Variants in SLC15A1 observed in about 807,000 individuals in gnomAD.
SLC15A1 encodes the protein solute carrier family 15 member 1.
SLC15A1 carries 83 observed loss-of-function variants against 92.9 expected under a neutral mutation model. The ratio of observed to expected loss-of-function variants is 0.89; its 90% CI spans 0.75 to 1.07. The LOEUF (loss-of-function observed/expected upper bound fraction) is 1.07, where lower values mean the gene tolerates loss of function less well. Ranked by LOEUF, SLC15A1 falls within the 50% of genes least tolerant of loss-of-function variation. SLC15A1 has a pLI of 0.00. For missense variants in SLC15A1, 857 were observed against 880.1 expected, an observed-to-expected ratio of 0.97 and a Z score of 0.33; for synonymous variants, 322 against 318.2, an observed-to-expected ratio of 1.01 and a Z score of -0.13.
At position 98,703,539 on chromosome 13, in the gene SLC15A1, C is replaced by CTTTTTTTTTTT. The variant is rs771426478; in HGVS notation, c.1416+739_1416+749dup. On this transcript the variant is annotated intron_variant, in intron 17 of 22. Transcript: ENST00000376503. ...TATACCTTTGTAGCTGCTGCTGCTG[C>CTTTTTTTTTTT]TTTTTTTTTTTTTTTTTTTTTTTTT... Among the ~76,000 whole-genome samples, 6 of 85,544 alleles carry CTTTTTTTTTTT rather than the reference C, an allele frequency of 7.0e-5. 1 individual carries two copies. The highest frequency in any genetic ancestry group is 2.0e-4 in the African/African-American group (3 of 15,198). 56.1% of individuals were successfully genotyped at this position (85,544 alleles called of 152,430 possible). A position where few individuals can be genotyped will look rare whatever the true frequency, so the allele number is the denominator to read the frequency against.
chr13:98,726,198 T>C lies in SLC15A1; in HGVS notation c.170A>G (p.His57Arg), dbSNP rs147741339. The change falls in exon 4 of 23, where the codon CAT becomes CGT. Residue 57 changes from histidine to arginine, a missense_variant. By Grantham distance (29) the His-to-Arg change is conservative (BLOSUM62 0). Transcript: ENST00000376503. ...WDDNLSTAIY[H>R]TFVALCYLTP... ...CAGGTAGCACAGAGCCACAAACGTA[T>C]GGTAGATGGCGGTGGACAGGTTATC... 6.8e-6 allele frequency: 11 copies of C among 1,613,878 alleles called. No individual in the cohort carries two copies. Among genetic ancestry groups the C allele is most frequent in the Non-Finnish European group, 9.3e-6 (11 of 1,179,952 alleles).
chr13:98,732,702 G>A (rs1315574786), intron 1 of SLC15A1, among the ~76,000 whole-genome samples: 1 of 152,218 alleles, frequency 6.6e-6, no homozygotes, highest in Non-Finnish European at 1.5e-5. Flanking sequence ...AAGTTGGAAG[G>A]AATGAGGCAT....
intron 11 of SLC15A1, among the ~76,000 whole-genome samples, chr13:98,710,581 C>A (rs183532045): frequency 6.6e-6 from 1 of 151,894 alleles, no homozygotes; most frequent in South Asian, 2.1e-4. Flanking sequence ...TTTGGGAGGC[C>A]GAGGCGCGTG....
At chr13:98,701,256 A>G (rs535583502) in intron 18 of SLC15A1, among the ~76,000 whole-genome samples, 2 of 152,314 alleles carry the variant, frequency 1.3e-5, no homozygotes, top group East Asian at 3.9e-4. Flanking sequence ...ACATTTTGTT[A>G]GATTTATATC....
intron 1 of SLC15A1, among the ~76,000 whole-genome samples, chr13:98,730,690 G>T (rs1468695183): frequency 6.6e-6 from 1 of 152,260 alleles, no homozygotes; most frequent in Non-Finnish European, 1.5e-5. Flanking sequence ...ACTGCCTCAG[G>T]GTCCTCAGCG....
chr13:98,721,514 G>C lies in SLC15A1; in HGVS notation c.537C>G (p.Ile179Met). Residue 179 changes from isoleucine to methionine, a missense_variant, in exon 7 of 23, where the codon ATC becomes ATG. Coordinates refer to ENST00000376503, the MANE Select transcript of SLC15A1 (RefSeq NM_005073.4). ...TCTTACCTCTGAGCATGGGTGTGAT[G>C]ATTGTGGAAAGCAAACTTCCAGCAT... is the stretch of plus-strand genomic sequence containing the variant. ...AINAGSLLSTIITPMLRVQQC... is the reference protein window; with the variant it reads ...AINAGSLLSTMITPMLRVQQC... 1 of 1,613,306 alleles carries C rather than the reference G, an allele frequency of 6.2e-7. No homozygotes were observed. Among genetic ancestry groups the C allele is most frequent in the Non-Finnish European group, 8.5e-7 (1 of 1,179,432 alleles).
In SLC15A1 at chr13:98,704,293, T is replaced by G. The variant is rs2088093770; in HGVS notation, c.1412A>C (p.Gln471Pro). Residue 471 changes from glutamine (Q) to proline (P), a missense_variant, in exon 17 of 23, where the codon CAG becomes CCG. By Grantham distance (76) the Gln-to-Pro change is moderately conservative. Transcript: ENST00000376503. ...TLLVWAPNHY[Q>P]VVKDGLNQKP... ...TGTAGGTCTTCACACACTTACCACCTGGTAGTGATTGGGGGCCCACACTAG... is the reference window on the plus strand; with the variant it reads ...TGTAGGTCTTCACACACTTACCACCGGGTAGTGATTGGGGGCCCACACTAG... 1 of 1,606,486 alleles carries G rather than the reference T, an allele frequency of 6.2e-7. No homozygotes were observed. Among genetic ancestry groups the G allele is most frequent in the Non-Finnish European group, 8.5e-7 (1 of 1,177,070 alleles).
At chr13:98,726,333 T>G in intron 3 of SLC15A1, 35 bp downstream of exon 3, 1 of 1,614,072 alleles carries the variant, frequency 6.2e-7, no homozygotes, top group Non-Finnish European at 8.5e-7. Context: ...ACTCCCGCTC[T>G]TCCCTGAAGG....
intron 1 of SLC15A1, among the ~76,000 whole-genome samples, chr13:98,737,914 A>G (rs528147219): frequency 7.2e-5 from 11 of 152,332 alleles, no homozygotes; most frequent in Middle Eastern, 3.4e-3. Flanking sequence ...AAATAGTGAC[A>G]TGGACTGTGA....
intron 4 of SLC15A1, among the ~76,000 whole-genome samples, chr13:98,724,749 AG>A (rs2088285923): frequency 6.6e-6 from 1 of 152,196 alleles, no homozygotes; most frequent in Admixed American, 6.5e-5. Context: ...CTGGGATTAC[AG>A]GTGTGAGCCA....
intron 18 of SLC15A1, among the ~76,000 whole-genome samples, chr13:98,698,484 G>C (rs1388915516): frequency 1.3e-5 from 2 of 152,148 alleles, no homozygotes; most frequent in Admixed American, 6.5e-5. Context: ...TGTTGTCCAG[G>C]CTGGAGTGCA....
chr13:98,749,240 C>T (rs1417110294), intron 1 of SLC15A1, among the ~76,000 whole-genome samples: 2 of 152,174 alleles, frequency 1.3e-5, no homozygotes, highest in Non-Finnish European at 1.5e-5. Context: ...CACAGCCCAT[C>T]CATCATTTTA....
rs565082936 is a variant in SLC15A1 at position 98,735,995 on chromosome 13, A to C, written c.5-9136T>G. ...TCACAGAATTGGAAAAAACTACTTT[A>C]AAGTTCATATGAAACCAAAAAAGAG... On this transcript the variant is annotated intron_variant, in intron 1 of 22. Transcript: ENST00000376503. 3.2e-4 allele frequency among the ~76,000 whole-genome samples: 49 copies of C among 152,354 alleles called. 1 individual carries two copies. In the South Asian group the frequency reaches 0.01, roughly 32 times the overall value.
chr13:98,704,399 T>A lies in SLC15A1; in HGVS notation c.1306A>T (p.Thr436Ser), dbSNP rs764109803. 3.1e-6 allele frequency: 5 copies of A among 1,613,994 alleles called. No homozygotes were observed. The East Asian group carries it at 1.1e-4, about 36-fold the overall frequency. Reference sequence around the variant, plus strand: ...CCAGGAGAAGAAATGTTTATCCTTGTCAGTTTGTTTACATCAAAAGTCATA... The same window carrying A: ...CCAGGAGAAGAAATGTTTATCCTTGACAGTTTGTTTACATCAAAAGTCATA... ...AFMTFDVNKLTRINISSPGSP... is the reference protein window; with the variant it reads ...AFMTFDVNKLSRINISSPGSP... Residue 436 changes from threonine to serine, a missense_variant, in exon 17 of 23, where the codon ACA becomes TCA. Physicochemically the swap from Thr to Ser is moderately conservative, Grantham distance 58 (BLOSUM62 1). Coordinates refer to ENST00000376503, the MANE Select transcript of SLC15A1 (RefSeq NM_005073.4).
At chr13:98,699,610 T>G (rs1593984191) in intron 18 of SLC15A1, among the ~76,000 whole-genome samples, 1 of 152,174 alleles carries the variant, frequency 6.6e-6, no homozygotes, top group East Asian at 1.9e-4. Context: ...AACACAAGTT[T>G]CCAGTTCTCT....
chr13:98,684,432 C>A lies in SLC15A1; in HGVS notation c.*292G>T. 1 of 228,824 alleles carries A rather than the reference C, an allele frequency of 4.4e-6. No individual in the cohort carries two copies. Among genetic ancestry groups the A allele is most frequent in the Non-Finnish European group, 8.6e-6 (1 of 116,478 alleles). 14.2% of individuals were successfully genotyped at this position (228,824 alleles called of 1,614,324 possible). A position where few individuals can be genotyped will look rare whatever the true frequency, so the allele number is the denominator to read the frequency against. On this transcript the variant is annotated 3_prime_UTR_variant, in exon 23 of 23. Transcript: ENST00000376503. ...TGGTGGTGCATGCCGCTAATCCCAG[C>A]CACTCGGGAGGCTGAGGCAGGAGAA...
intron 11 of SLC15A1, among the ~76,000 whole-genome samples, chr13:98,710,709 G>A (rs1464372719): frequency 1.3e-5 from 2 of 148,528 alleles, no homozygotes; most frequent in East Asian, 2.0e-4. Flanking sequence ...TCAGGAGGCA[G>A]AGGCAGGAGA....
At chr13:98,745,766 T>C (rs2088488227) in intron 1 of SLC15A1, among the ~76,000 whole-genome samples, 1 of 152,024 alleles carries the variant, frequency 6.6e-6, no homozygotes, top group South Asian at 2.1e-4. Flanking sequence ...TGTTTCAAAT[T>C]CCCCAGTTTG....
At chr13:98,692,136 CTTTTTTTTTTTTTTTTTT>C (rs528865683) in intron 18 of SLC15A1, among the ~76,000 whole-genome samples, 48 of 67,642 alleles carry the variant, frequency 7.1e-4, no homozygotes, top group East Asian at 2.2e-3. Flanking sequence ...TTCTCCTAAA[CTTTTTTTTTTTTTTTTTT>C]TTTTTTTTTT....
Sources: allele counts gnomAD v4.1 joint callset (sites outside exome capture counted in the v4.1 genomes callset), GRCh38; gene constraint gnomAD v4.1.1; transcripts MANE v1.5; gene names NCBI Gene and HGNC (gene_info 2026-07-23, HGNC 2026-07-21).